The following LIMCH1 variants were observed in gnomAD, a reference collection of about 807,000 sequenced individuals.
The protein encoded by LIMCH1 is LIM and calponin homology domains 1.
LIMCH1 carries 113 observed loss-of-function variants against 176.5 expected under a neutral mutation model. The ratio of observed to expected loss-of-function variants is 0.64; its 90% CI spans 0.55 to 0.75. The LOEUF is 0.75. Ranked by LOEUF, LIMCH1 falls within the 30% of genes least tolerant of loss-of-function variation. The pLI, the probability that LIMCH1 is intolerant of heterozygous loss-of-function variation, is 0.00. For synonymous variants in LIMCH1, 619 were observed against 645.9 expected, an observed-to-expected ratio of 0.96 and a Z score of 0.63; for missense variants, 1,674 against 1,814.9, an observed-to-expected ratio of 0.92 and a Z score of 1.41.
intron 1 of LIMCH1, among the ~76,000 whole-genome samples, chr4:41,547,999 C>T (rs1245918174): frequency 6.7e-6 from 1 of 150,308 alleles, no homozygotes; most frequent in African/African-American, 2.4e-5. Context: ...TTCCCTAAAC[C>T]TCTATTTTCC....
chr4:41,366,638 G>A lies in LIMCH1; in HGVS notation c.96+5702G>A, dbSNP rs80122164. ...ATATAAAAATAGCCTAAACTAGAGG[G>A]CTAAAGATAATATAGGGGAAAAATA... On this transcript the variant is annotated intron_variant, in intron 1 of 26. Coordinates refer to the LIMCH1 transcript ENST00000313860. Among the ~76,000 whole-genome samples, 796 of 152,108 alleles carry A rather than the reference G, an allele frequency of 5.2e-3. 11 individuals carry two copies. The highest frequency in any genetic ancestry group is 0.018 in the African/African-American group (756 of 41,416).
At position 41,631,323 on chromosome 4, in the gene LIMCH1, AAGCGGCTT is replaced by A. The variant is rs1311819888; in HGVS notation, c.1451_1458del (p.Arg484HisfsTer7). The A allele has an allele frequency of 1.3e-6, 2 of 1,536,178 alleles. No individual in the cohort carries two copies. Among genetic ancestry groups the A allele is most frequent in the Non-Finnish European group, 1.7e-6 (2 of 1,146,912 alleles). On this transcript the variant is annotated frameshift_variant, in exon 10 of 32. Coordinates refer to ENST00000503057, the MANE Select transcript of LIMCH1 (RefSeq NM_001330672.2). LOFTEE classifies it high-confidence loss of function. ...GACGGAGCTAGATCAGCAGAAATGG[AAGCGGCTT>A]AGCATTGGCAAGGCTGGGCCTAGAG...
chr4:41,381,648 A>G (rs1420336084), intron 1 of LIMCH1, among the ~76,000 whole-genome samples: 1 of 152,156 alleles, frequency 6.6e-6, no homozygotes, highest in African/African-American at 2.4e-5. Flanking sequence ...TGCCTGTTCC[A>G]AGCTTAGGCT....
In LIMCH1 at chr4:41,664,963, A is replaced by G. The variant is rs556283108; in HGVS notation, c.3292-1598A>G. ...TGGTATCATGTGGTGCCAAATATATATATAGCCCCTGAATACTGTTTTGTT... is the reference window on the plus strand; with the variant it reads ...TGGTATCATGTGGTGCCAAATATATGTATAGCCCCTGAATACTGTTTTGTT... On this transcript the variant is annotated intron_variant, in intron 20 of 31. Coordinates refer to ENST00000503057, the MANE Select transcript of LIMCH1 (RefSeq NM_001330672.2). 6.6e-5 allele frequency among the ~76,000 whole-genome samples: 10 copies of G among 152,300 alleles called. No individual in the cohort carries two copies. In the East Asian group the frequency reaches 1.9e-3, roughly 29 times the overall value.
chr4:41,583,264 C>A (rs1335778962), intron 1 of LIMCH1, among the ~76,000 whole-genome samples: 1 of 152,150 alleles, frequency 6.6e-6, no homozygotes, highest in Admixed American at 6.5e-5. Flanking sequence ...CTTCCCAAAC[C>A]TGAGTGCTTA....
At chr4:41,685,166 A>T (rs1051089064) in intron 27 of LIMCH1, among the ~76,000 whole-genome samples, 1 of 152,192 alleles carries the variant, frequency 6.6e-6, no homozygotes, top group Non-Finnish European at 1.5e-5. Flanking sequence ...CCAAATAAAT[A>T]TTTTTTAATG....
At chr4:41,639,803 A>G (rs1460797168) in intron 14 of LIMCH1, among the ~76,000 whole-genome samples, 1 of 152,216 alleles carries the variant, frequency 6.6e-6, no homozygotes, top group Non-Finnish European at 1.5e-5. Context: ...CAGCATCAGT[A>G]GTCTGCTGAT....
intron 1 of LIMCH1, among the ~76,000 whole-genome samples, chr4:41,405,203 A>G (rs1020283287): frequency 2.9e-4 from 44 of 152,166 alleles, no homozygotes; most frequent in African/African-American, 9.9e-4. Flanking sequence ...ATCTTTTTCA[A>G]TATTTCTCTG....
At chr4:41,521,811 T>C (rs995286759) in intron 2 of LIMCH1, among the ~76,000 whole-genome samples, 5 of 152,286 alleles carry the variant, frequency 3.3e-5, no homozygotes, top group East Asian at 1.9e-4. Flanking sequence ...TAGTGTTATA[T>C]GTCAGTTGAT....
At chr4:41,420,017 G>A (rs1007831958) in intron 1 of LIMCH1, among the ~76,000 whole-genome samples, 3 of 152,070 alleles carry the variant, frequency 2.0e-5, no homozygotes, top group Non-Finnish European at 4.4e-5. Context: ...AACTAAACAA[G>A]GTAATGTGAT....
chr4:41,538,471 A>G (rs2078202997), intron 1 of LIMCH1, 121 bp downstream of exon 1: 4 of 390,244 alleles, frequency 1.0e-5, no homozygotes, highest in East Asian at 3.2e-4. Flanking sequence ...ACTTATTAGT[A>G]TGGCGAAAAT....
intron 1 of LIMCH1, among the ~76,000 whole-genome samples, chr4:41,591,966 T>C (rs75027680): frequency 0.03 from 4,565 of 152,262 alleles, 162 homozygotes; most frequent in African/African-American, 0.085. Flanking sequence ...AGAAACCTTT[T>C]TGCAGATGGA....
intron 21 of LIMCH1, among the ~76,000 whole-genome samples, chr4:41,667,208 A>G (rs1018118207): frequency 1.3e-5 from 2 of 152,198 alleles, no homozygotes; most frequent in Non-Finnish European, 2.9e-5. Context: ...TTCACTGTTA[A>G]TTCTAGTCTT....
chr4:41,539,084 A>T (rs906349488), intron 1 of LIMCH1, among the ~76,000 whole-genome samples: 1 of 152,202 alleles, frequency 6.6e-6, no homozygotes, highest in Non-Finnish European at 1.5e-5. Flanking sequence ...AGCCAAATTT[A>T]TGAGGCTGGG....
At chr4:41,484,394 A>T (rs1157126422) in intron 1 of LIMCH1, among the ~76,000 whole-genome samples, 1 of 152,218 alleles carries the variant, frequency 6.6e-6, no homozygotes. Flanking sequence ...GGCTTACATG[A>T]GTGTGATCCA....
At chr4:41,537,325 C>T (rs1420617388), upstream of LIMCH1, among the ~76,000 whole-genome samples, 1 of 152,238 alleles carries the variant, frequency 6.6e-6, no homozygotes, top group Non-Finnish European at 1.5e-5. Context: ...TTTCAGCATC[C>T]TGCTTTTAGA....
chr4:41,415,763 G>A (rs1370378810), intron 1 of LIMCH1, among the ~76,000 whole-genome samples: 2 of 152,072 alleles, frequency 1.3e-5, no homozygotes, highest in Non-Finnish European at 2.9e-5. Flanking sequence ...AGATCGCGAG[G>A]TCAGGAGTTA....
intron 1 of LIMCH1, among the ~76,000 whole-genome samples, chr4:41,410,902 C>G: frequency 6.6e-6 from 1 of 152,166 alleles, no homozygotes; most frequent in South Asian, 2.1e-4. Context: ...TTACCTAAGC[C>G]CCACACTCAT....
At chr4:41,432,037 A>G (rs1468637994) in intron 1 of LIMCH1, among the ~76,000 whole-genome samples, 1 of 152,200 alleles carries the variant, frequency 6.6e-6, no homozygotes, top group Non-Finnish European at 1.5e-5. Flanking sequence ...AGGTGAAGAA[A>G]TTTAGGCTAG....
Sources: allele counts gnomAD v4.1 joint callset (sites outside exome capture counted in the v4.1 genomes callset), GRCh38; gene constraint gnomAD v4.1.1; transcripts MANE v1.5; gene names NCBI Gene and HGNC (gene_info 2026-07-23, HGNC 2026-07-21).